ADARB2: variants seen among roughly 807,000 people sequenced by gnomAD.
ADARB2 encodes adenosine deaminase RNA specific B2 (inactive).
In ADARB2, 25 loss-of-function variants were observed where a neutral mutation model predicts 62.2. That is an observed-to-expected ratio of 0.40 (90% CI 0.29 to 0.56). The LOEUF (loss-of-function observed/expected upper bound fraction) is 0.56. Ranked by LOEUF, ADARB2 falls within the 20% of genes least tolerant of loss-of-function variation. ADARB2 has a pLI of 0.43. For synonymous variants in ADARB2, 572 were observed against 500.8 expected, an observed-to-expected ratio of 1.14 and a Z score of -1.90; for missense variants, 1,071 against 1,077.4, an observed-to-expected ratio of 0.99 and a Z score of 0.08.
At chr10:1,510,388 C>T (rs951361262) in intron 1 of ADARB2, among the ~76,000 whole-genome samples, 1 of 151,936 alleles carries the variant, frequency 6.6e-6, no homozygotes, top group Non-Finnish European at 1.5e-5. Flanking sequence ...CACTATGTTG[C>T]CCAGGCTTGT....
intron 3 of ADARB2, among the ~76,000 whole-genome samples, chr10:1,348,308 G>C (rs1832100157): frequency 6.6e-6 from 1 of 152,222 alleles, no homozygotes; most frequent in Admixed American, 6.5e-5. Flanking sequence ...TCAGGAAGGG[G>C]TCTGGGGAGT....
At position 1,477,043 on chromosome 10, in the gene ADARB2, G is replaced by C. The variant is rs1831410576; in HGVS notation, c.101-97883C>G. 6.6e-6 allele frequency among the ~76,000 whole-genome samples: 1 copy of C among 152,058 alleles called. No individual in the cohort carries two copies. The highest frequency in any genetic ancestry group is 1.5e-5 in the Non-Finnish European group (1 of 68,020). On this transcript the variant is annotated intron_variant, in intron 1 of 9. Coordinates refer to ENST00000381312, the MANE Select transcript of ADARB2 (RefSeq NM_018702.4). The surrounding 1 kb of genome is among the most constrained non-coding windows in gnomAD (Gnocchi z 4.5). Reference sequence around the variant, plus strand: ...GATGACTCTCCCCAGATCCCCACCTGGCCTACGATCCAACCCCTAGAGCAC... The same window carrying C: ...GATGACTCTCCCCAGATCCCCACCTCGCCTACGATCCAACCCCTAGAGCAC...
chr10:1,665,886 C>T (rs1369432591), intron 1 of ADARB2, among the ~76,000 whole-genome samples: 1 of 152,172 alleles, frequency 6.6e-6, no homozygotes, highest in Non-Finnish European at 1.5e-5. Flanking sequence ...TCCAGGCCCA[C>T]AGTAAATGAG....
At chr10:1,435,614 C>T (rs942981555) in intron 1 of ADARB2, among the ~76,000 whole-genome samples, 5 of 152,182 alleles carry the variant, frequency 3.3e-5, no homozygotes, top group African/African-American at 1.2e-4. Flanking sequence ...TGCCAGGCCC[C>T]TCTCTCTCCT....
chr10:1,369,614 A>G lies in ADARB2; in HGVS notation c.188-5697T>C, dbSNP rs539640247. 1.4e-3 allele frequency among the ~76,000 whole-genome samples: 214 copies of G among 152,356 alleles called. 1 individual carries two copies. The highest frequency in any genetic ancestry group is 5.0e-3 in the African/African-American group (208 of 41,578). On this transcript the variant is annotated intron_variant, in intron 2 of 9. Coordinates refer to ENST00000381312, the MANE Select transcript of ADARB2 (RefSeq NM_018702.4). Reference sequence around the variant, plus strand: ...TAACTACTTCACTAAGTGTAAGTGTAACGAAACATCATGATGTACGCCTGA... The same window carrying G: ...TAACTACTTCACTAAGTGTAAGTGTGACGAAACATCATGATGTACGCCTGA...
intron 1 of ADARB2, among the ~76,000 whole-genome samples, chr10:1,729,234 T>C (rs1289081437): frequency 1.3e-5 from 2 of 152,212 alleles, no homozygotes; most frequent in African/African-American, 2.4e-5. Flanking sequence ...AAAGGTATTG[T>C]TTTTTAATAA....
rs567780567 is a variant in ADARB2 at position 1,669,144 on chromosome 10, G to A, written c.100+67907C>T. 2.0e-5 allele frequency among the ~76,000 whole-genome samples: 3 copies of A among 152,320 alleles called. No individual in the cohort carries two copies. In the South Asian group the frequency reaches 6.2e-4, roughly 32 times the overall value. ...GAGATGAGAAGCCCAGGTCTGCAGG[G>A]TGAGGTGGTACCTCCCAGGTGCCCT... On this transcript the variant is annotated intron_variant, in intron 1 of 9. Coordinates refer to ENST00000381312, the MANE Select transcript of ADARB2 (RefSeq NM_018702.4).
intron 1 of ADARB2, among the ~76,000 whole-genome samples, chr10:1,419,098 T>TTTC (rs1588251650): frequency 6.6e-6 from 1 of 151,862 alleles, no homozygotes; most frequent in African/African-American, 2.4e-5. Flanking sequence ...TGATGTGTCT[T>TTTC]TTTTTTCTTT....
At chr10:1,646,229 G>T (rs947916298) in intron 1 of ADARB2, among the ~76,000 whole-genome samples, 5 of 152,220 alleles carry the variant, frequency 3.3e-5, no homozygotes, top group African/African-American at 1.2e-4. Context: ...CTGGGGTCCA[G>T]CCTAGCTCGT....
chr10:1,574,482 C>T (rs575806410), intron 1 of ADARB2, among the ~76,000 whole-genome samples: 1 of 152,006 alleles, frequency 6.6e-6, no homozygotes, highest in Admixed American at 6.5e-5. Flanking sequence ...ACAGACACTC[C>T]TGTTCCCAGC....
At chr10:1,589,087 C>A (rs1333659067) in intron 1 of ADARB2, among the ~76,000 whole-genome samples, 1 of 152,230 alleles carries the variant, frequency 6.6e-6, no homozygotes, top group Non-Finnish European at 1.5e-5. Context: ...TTCTCATGCA[C>A]AAGTTACTGG....
intron 1 of ADARB2, among the ~76,000 whole-genome samples, chr10:1,444,937 A>G (rs1830950388): frequency 6.8e-6 from 1 of 146,288 alleles, no homozygotes; most frequent in Admixed American, 6.8e-5. Context: ...CCATCTATCA[A>G]TCCATCCACC....
chr10:1,210,638 G>A (rs1390501517), intron 7 of ADARB2, among the ~76,000 whole-genome samples: 3 of 152,220 alleles, frequency 2.0e-5, no homozygotes, highest in East Asian at 1.9e-4. Context: ...CAATCACGTC[G>A]CAGCGATTCC....
chr10:1,209,395 C>CCACACT (rs1837113876), intron 7 of ADARB2, among the ~76,000 whole-genome samples: 1 of 147,820 alleles, frequency 6.8e-6, no homozygotes, highest in Non-Finnish European at 1.5e-5. Flanking sequence ...TCACCCACAC[C>CCACACT]CACACTATCA....
At chr10:1,715,759 G>A (rs1366598368) in intron 1 of ADARB2, among the ~76,000 whole-genome samples, 1 of 152,246 alleles carries the variant, frequency 6.6e-6, no homozygotes, top group South Asian at 2.1e-4. Context: ...AGCTGGTGCC[G>A]CTGAGGAAGC....
Position 1,572,261 on chromosome 10 carries a change from G to T in ADARB2, c.100+164790C>A, listed in dbSNP as rs954808995. Among the ~76,000 whole-genome samples, 6 of 152,050 alleles carry T rather than the reference G, an allele frequency of 3.9e-5. No individual in the cohort carries two copies. In the East Asian group the frequency reaches 1.2e-3, roughly 29 times the overall value. On this transcript the variant is annotated intron_variant, in intron 1 of 9. Transcript: ENST00000381312. ...TGAGTATGCAGGTGAGTGTGCTGGT[G>T]AGAAGGCAGGTGAGTGTGAAGATGA...
intron 1 of ADARB2, among the ~76,000 whole-genome samples, chr10:1,589,282 C>A (rs189107888): frequency 6.6e-6 from 1 of 152,210 alleles, no homozygotes; most frequent in Non-Finnish European, 1.5e-5. Context: ...CAGGGGAGAA[C>A]GTATGGTGGA....
intron 1 of ADARB2, among the ~76,000 whole-genome samples, chr10:1,509,803 T>A (rs1172576767): frequency 1.3e-5 from 2 of 152,220 alleles, no homozygotes; most frequent in African/African-American, 4.8e-5. Flanking sequence ...GGAATTCAGA[T>A]GAGAGCCTGG....
At chr10:1,584,747 A>G (rs917210484) in intron 1 of ADARB2, among the ~76,000 whole-genome samples, 2 of 152,208 alleles carry the variant, frequency 1.3e-5, no homozygotes, top group Non-Finnish European at 2.9e-5. Flanking sequence ...ATCATGGCAT[A>G]TTATCCAGCT....
Sources: gnomAD v4.1 joint callset for allele counts (sites outside exome capture counted in the v4.1 genomes callset) on GRCh38, gnomAD v4.1.1 for gene constraint, Gnocchi (gnomAD v3.1) non-coding constraint, MANE v1.5 for transcripts, NCBI Gene and HGNC (gene_info 2026-07-23, HGNC 2026-07-21) for gene names.